Variants in SLC34A1 observed in about 807,000 individuals in gnomAD.
SLC34A1 encodes the protein solute carrier family 34 member 1, also known as sodium-dependent phosphate transport protein 2A.
A neutral mutation model predicts 51.4 loss-of-function variants in SLC34A1; 57 were observed. That is an observed-to-expected ratio of 1.11 (90% confidence interval 0.90 to 1.38). The LOEUF (loss-of-function observed/expected upper bound fraction) is 1.38. Ranked by LOEUF, SLC34A1 falls within the 40% of genes most tolerant of loss-of-function variation. The probability of loss-of-function intolerance (pLI) is 0.00; values close to 1 mark genes in which losing one functional copy is unlikely to be tolerated. For missense variants in SLC34A1, 796 were observed against 835.6 expected (o/e 0.95, Z 0.58); for synonymous variants, 368 against 358.0 (o/e 1.03, Z -0.32).
In SLC34A1 at chr5:177,388,035, T is replaced by C. The variant is rs1280520625; in HGVS notation, c.686T>C (p.Leu229Pro). ...GATVHDCFNWLSVLVLLPLEA... is the reference protein window; with the variant it reads ...GATVHDCFNWPSVLVLLPLEA... ...ACGGTGCATGACTGCTTTAACTGGC[T>C]GTCAGTGCTGGTCCTGCTGCCCCTG... Residue 229 changes from leucine to proline, a missense_variant, in exon 7 of 13, where the codon CTG becomes CCG. Leu to Pro is a moderately conservative substitution (Grantham distance 98). Transcript: ENST00000324417. The surrounding 1 kb of genome is among the most constrained non-coding windows in gnomAD (Gnocchi z 4.3). The C allele has an allele frequency of 6.2e-7, 1 of 1,614,010 alleles. No individual in the cohort carries two copies. Among genetic ancestry groups the C allele is most frequent in the Non-Finnish European group, 8.5e-7 (1 of 1,179,966 alleles).
chr5:177,392,209 C>A (rs746794517), intron 8 of SLC34A1, among the ~76,000 whole-genome samples: 2 of 152,218 alleles, frequency 1.3e-5, no homozygotes, highest in Non-Finnish European at 2.9e-5. Flanking sequence ...CACCTGTAAT[C>A]CCAGCACCTT....
intron 5 of SLC34A1, among the ~76,000 whole-genome samples, 184 bp from the exon 6 acceptor site, chr5:177,387,578 C>T (rs540747868): frequency 3.2e-4 from 48 of 152,370 alleles, no homozygotes; most frequent in African/African-American, 1.1e-3. Flanking sequence ...TGGATGAATG[C>T]ACACACCTGT....
chr5:177,387,166 C>G (rs907701805), intron 5 of SLC34A1, among the ~76,000 whole-genome samples: 8 of 151,176 alleles, frequency 5.3e-5, no homozygotes, highest in Non-Finnish European at 7.4e-5. Context: ...GTCAGTAGAT[C>G]GAGACCACCC....
intron 5 of SLC34A1, 26 bp from the exon 6 acceptor site, chr5:177,387,736 C>T (rs766003174): frequency 6.3e-7 from 1 of 1,586,648 alleles, no homozygotes; most frequent in Admixed American, 1.7e-5. Flanking sequence ...CCGTCAAATT[C>T]ATTAGGACGT....
chr5:177,387,943 G>T (rs376057230), intron 6 of SLC34A1, 51 bp from the exon 7 acceptor site: 39 of 1,610,312 alleles, frequency 2.4e-5, no homozygotes, highest in Non-Finnish European at 1.2e-5. Flanking sequence ...AACCCCAGGC[G>T]TGACTGTGCA....
intron 8 of SLC34A1, among the ~76,000 whole-genome samples, chr5:177,389,447 G>A (rs1300533564): frequency 6.6e-6 from 1 of 151,766 alleles, no homozygotes; most frequent in Admixed American, 6.6e-5. Flanking sequence ...CTCGCCCTGC[G>A]ATGCTCCTTT....
Position 177,398,361 on chromosome 5 carries a change from G to A in SLC34A1, c.*75G>A, listed in dbSNP as rs1763041229. On this transcript the variant is annotated 3_prime_UTR_variant, in exon 13 of 13. Transcript: ENST00000324417. The surrounding 1 kb of genome is among the most constrained non-coding windows in gnomAD (Gnocchi z 4.7). ...GGCAGGGGAGGGAGGGTGTGTGTAG[G>A]TATGTGCATGTGCCTGTGCCACCCT... is the stretch of plus-strand genomic sequence containing the variant. 1 of 1,545,094 alleles carries A rather than the reference G, an allele frequency of 6.5e-7. No individual in the cohort carries two copies. The highest frequency in any genetic ancestry group is 1.4e-5 in the African/African-American group (1 of 73,870).
At chr5:177,387,696 AG>A (rs1762636803) in intron 5 of SLC34A1, 65 bp from the exon 6 acceptor site, 1 of 1,323,894 alleles carries the variant, frequency 7.6e-7, no homozygotes. Flanking sequence ...GGGGCCTGAC[AG>A]GAGTTGTGGT....
chr5:177,394,012 G>A lies in SLC34A1; in HGVS notation c.1007-16G>A, dbSNP rs1362024384. On this transcript the variant is annotated splice_polypyrimidine_tract_variant and intron_variant, in intron 9 of 12. Transcript: ENST00000324417. ...CCAGGTGTGGGGTCAGCTGTCAGGAGCTCCACCCCCTGCAGGCAACCACAT... is the reference window on the plus strand; with the variant it reads ...CCAGGTGTGGGGTCAGCTGTCAGGAACTCCACCCCCTGCAGGCAACCACAT... 6.2e-7 allele frequency: 1 copy of A among 1,613,860 alleles called. No individual in the cohort carries two copies. Among genetic ancestry groups the A allele is most frequent in the East Asian group, 2.2e-5 (1 of 44,888 alleles).
At position 177,396,758 on chromosome 5, in the gene SLC34A1, C is replaced by A; in HGVS notation, c.1200C>A (p.Val400=). Residue 400 remains valine, a synonymous_variant, in exon 11 of 13, where the codon GTC becomes GTA. Transcript: ENST00000324417. The surrounding 1 kb of genome is among the most constrained non-coding windows in gnomAD (Gnocchi z 4.0). ...NTDFPAPFTW[V]TGYFAMVVGA... is the part of the protein sequence containing the mutation. ...ACTTCCCTGCCCCCTTCACCTGGGTCACAGGCTACTTTGCCATGGTGGTGG... is the reference window on the plus strand; with the variant it reads ...ACTTCCCTGCCCCCTTCACCTGGGTAACAGGCTACTTTGCCATGGTGGTGG... 6.2e-7 allele frequency: 1 copy of A among 1,614,256 alleles called. No individual in the cohort carries two copies. Among genetic ancestry groups the A allele is most frequent in the East Asian group, 2.2e-5 (1 of 44,888 alleles).
chr5:177,396,478 G>A lies in SLC34A1; in HGVS notation c.1175-255G>A, dbSNP rs1188774963. Among the ~76,000 whole-genome samples, 3 of 138,608 alleles carry A rather than the reference G, an allele frequency of 2.2e-5. No homozygotes were observed. The highest frequency in any genetic ancestry group is 7.1e-5 in the Admixed American group (1 of 14,050). The allele number at this position is 138,608 out of a possible 152,430, so 90.9% of individuals were successfully genotyped here. Reference sequence around the variant, plus strand: ...GGAGGTCCGCTCTCCCAGTGCCCCCGCGGAGGTCCTCTCTCCCAGTGCCCC... The same window carrying A: ...GGAGGTCCGCTCTCCCAGTGCCCCCACGGAGGTCCTCTCTCCCAGTGCCCC... On this transcript the variant is annotated intron_variant, in intron 10 of 12. Transcript: ENST00000324417. This position sits in a 1 kb window ranked among gnomAD's most constrained non-coding sequence, Gnocchi z 4.0.
intron 8 of SLC34A1, among the ~76,000 whole-genome samples, chr5:177,391,071 C>G (rs577284646): frequency 6.6e-6 from 1 of 152,160 alleles, no homozygotes; most frequent in African/African-American, 2.4e-5. Flanking sequence ...GCCCACCACC[C>G]GCTTCAGGCC....
rs778323071 is a variant in SLC34A1 at position 177,397,956 on chromosome 5, G to A, written c.1590G>A (p.Val530=). Residue 530 remains valine, a synonymous_variant, in exon 13 of 13, where the codon GTG becomes GTA. Coordinates refer to ENST00000324417, the MANE Select transcript of SLC34A1 (RefSeq NM_003052.5). ...LVCFLLLPSL[V]FGISMAGWQV... is the part of the protein sequence containing the mutation. ...GCTTCCTGCTGCTGCCCTCACTGGT[G>A]TTTGGCATCTCCATGGCAGGCTGGC... is the stretch of plus-strand genomic sequence containing the variant. 1.9e-6 allele frequency: 3 copies of A among 1,614,098 alleles called. No individual in the cohort carries two copies. Among genetic ancestry groups the A allele is most frequent in the Non-Finnish European group, 2.5e-6 (3 of 1,180,030 alleles).
chr5:177,387,844 G>A lies in SLC34A1; in HGVS notation c.615G>A (p.Met205Ile). The A allele has an allele frequency of 6.2e-7, 1 of 1,613,490 alleles. No individual in the cohort carries two copies. The highest frequency in any genetic ancestry group is 1.1e-5 in the South Asian group (1 of 91,044). Reference sequence around the variant, plus strand: ...TCACCAACACCATCGTGGCCCTGATGCAGGCGGGGGACAGGACTGACTTCC... The same window carrying A: ...TCACCAACACCATCGTGGCCCTGATACAGGCGGGGGACAGGACTGACTTCC... ...TSVTNTIVALMQAGDRTDFRR... is the reference protein window; with the variant it reads ...TSVTNTIVALIQAGDRTDFRR... The change falls in exon 6 of 13, where the codon ATG becomes ATA. Residue 205 changes from methionine (M) to isoleucine (I), a missense_variant. Met to Ile is a conservative substitution (Grantham distance 10, BLOSUM62 1). Transcript: ENST00000324417.
In SLC34A1 at chr5:177,386,123, G is replaced by A; in HGVS notation, c.246G>A (p.Glu82=). ...TGCCTGCCAAGCTGGCCCTGGAGGAGGAGCAGAAGCCAGGTGGGCCTGGGC... is the reference window on the plus strand; with the variant it reads ...TGCCTGCCAAGCTGGCCCTGGAGGAAGAGCAGAAGCCAGGTGGGCCTGGGC... ...EPLPAKLALE[E]EQKPESRLVP... is the part of the protein sequence containing the mutation. Residue 82 remains glutamate, a synonymous_variant, in exon 3 of 13, where the codon GAG becomes GAA. Transcript: ENST00000324417. This position sits in a 1 kb window ranked among gnomAD's most constrained non-coding sequence, Gnocchi z 4.8. 1.9e-6 allele frequency: 3 copies of A among 1,613,626 alleles called. No individual in the cohort carries two copies. The highest frequency in any genetic ancestry group is 2.5e-6 in the Non-Finnish European group (3 of 1,179,758).
intron 9 of SLC34A1, 98 bp from the exon 10 acceptor site, chr5:177,393,930 T>C (rs1762881984): frequency 5.2e-6 from 8 of 1,548,770 alleles, no homozygotes; most frequent in Non-Finnish European, 7.1e-6. Flanking sequence ...TCAAGGAGCC[T>C]GAGATGGGGC....
At position 177,397,008 on chromosome 5, in the gene SLC34A1, C is replaced by T; in HGVS notation, c.1350C>T (p.Gly450=). The change falls in exon 12 of 13, where the codon GGC becomes GGT. Residue 450 remains glycine, a synonymous_variant. Transcript: ENST00000324417. ...CGCTCACACTGGGTTCCAACATCGG[C>T]ACCACCACCACGGCCATCCTGGCTG... The part of the protein sequence containing the change: ...AYPLTLGSNI[G]TTTTAILAAL... 6.2e-7 allele frequency: 1 copy of T among 1,614,146 alleles called. No homozygotes were observed. The highest frequency in any genetic ancestry group is 8.5e-7 in the Non-Finnish European group (1 of 1,180,028).
chr5:177,397,410 A>G (rs1440760335), intron 12 of SLC34A1: 1 of 480,686 alleles, frequency 2.1e-6, no homozygotes, highest in Non-Finnish European at 3.8e-6. Flanking sequence ...GCAAAGGGGA[A>G]TTATTCTAGG....
In SLC34A1 at chr5:177,385,731, G is replaced by C. The variant is rs368569333; in HGVS notation, c.-11G>C. On this transcript the variant is annotated 5_prime_UTR_variant, in exon 2 of 13. Transcript: ENST00000324417. ...CCCACTGACCTGCAGACCTCATAGT[G>C]GGTGCCCAGGATGTTGTCCTACGGA... 1.0e-3 allele frequency: 1,658 copies of C among 1,604,332 alleles called. 11 individuals are homozygous for C. In the Middle Eastern group the frequency reaches 0.022, roughly 21 times the overall value.
Sources: gnomAD v4.1 joint callset for allele counts (sites outside exome capture counted in the v4.1 genomes callset) on GRCh38, gnomAD v4.1.1 for gene constraint, Gnocchi (gnomAD v3.1) non-coding constraint, MANE v1.5 for transcripts, NCBI Gene and HGNC (gene_info 2026-07-23, HGNC 2026-07-21) for gene names.